Variants in PVT1 observed in about 807,000 individuals in gnomAD.
The protein encoded by PVT1 is CXCR4/PVT1 fusion.
chr8:127,814,998 G>T lies in PVT1; in HGVS notation n.372+18927G>T, dbSNP rs754905814. 9.9e-5 allele frequency among the ~76,000 whole-genome samples: 15 copies of T among 151,638 alleles called. No individual in the cohort carries two copies. The South Asian group carries it at 1.9e-3, about 19-fold the overall frequency. On this transcript the variant is annotated intron_variant and non_coding_transcript_variant, in intron 2 of 10. Coordinates refer to ENST00000651587, the Ensembl canonical transcript of PVT1. Reference sequence around the variant, plus strand: ...TTATTTTTTTTTGAGACAGAATCTTGTTCTGTTGCCCAGGCTGGAGTGCAG... The same window carrying T: ...TTATTTTTTTTTGAGACAGAATCTTTTTCTGTTGCCCAGGCTGGAGTGCAG...
At chr8:127,932,441 G>C in intron 3 of PVT1, 1 of 398,636 alleles carries the variant, frequency 2.5e-6, no homozygotes, top group South Asian at 1.3e-4. Flanking sequence ...TGTCACATGA[G>C]TTTTCTTTCT....
chr8:127,918,036 G>A (rs1816009894), intron 3 of PVT1, among the ~76,000 whole-genome samples: 1 of 152,246 alleles, frequency 6.6e-6, no homozygotes, highest in Admixed American at 6.5e-5. Flanking sequence ...GTAATTTTGG[G>A]TTTTCCTGAT....
intron 5 of PVT1, among the ~76,000 whole-genome samples, chr8:128,071,721 A>AATAAAT (rs139320168): frequency 2.7e-5 from 4 of 147,450 alleles, no homozygotes; most frequent in Non-Finnish European, 6.0e-5. Context: ...TAAATAAATA[A>AATAAAT]AAATAAAAGA....
intron 3 of PVT1, among the ~76,000 whole-genome samples, chr8:127,978,719 CA>C (rs565533024): frequency 5.3e-5 from 8 of 152,302 alleles, no homozygotes; most frequent in African/African-American, 1.9e-4. Flanking sequence ...CTCGTGAAAA[CA>C]GGTGATTTGC....
intron 2 of PVT1, among the ~76,000 whole-genome samples, chr8:127,862,628 A>G (rs771802146): frequency 5.3e-5 from 8 of 152,058 alleles, no homozygotes; most frequent in Non-Finnish European, 1.2e-4. Context: ...TCACTATGTT[A>G]CCAGGCTGGT....
intron 2 of PVT1, among the ~76,000 whole-genome samples, chr8:127,801,227 C>T (rs992065946): frequency 3.3e-5 from 5 of 152,014 alleles, no homozygotes; most frequent in South Asian, 2.1e-4. Flanking sequence ...GGAGCCCTTG[C>T]GGTGTTTTTT....
At chr8:127,818,919 A>G (rs967299140) in intron 2 of PVT1, among the ~76,000 whole-genome samples, 2 of 152,056 alleles carry the variant, frequency 1.3e-5, no homozygotes, top group East Asian at 1.9e-4. Flanking sequence ...CAGTGGCGTG[A>G]TCATAGCTCA....
intron 3 of PVT1, among the ~76,000 whole-genome samples, chr8:127,928,916 AC>A (rs1236943175): frequency 6.6e-6 from 1 of 152,206 alleles, no homozygotes. Context: ...GCGACTTCCA[AC>A]CTCAGGAAAG....
chr8:127,837,012 C>G (rs1280323773), intron 2 of PVT1, among the ~76,000 whole-genome samples: 1 of 152,168 alleles, frequency 6.6e-6, no homozygotes, highest in East Asian at 1.9e-4. Context: ...CTGTCCCACA[C>G]CTGAGGATAT....
At chr8:127,952,662 A>G (rs1448935574) in intron 3 of PVT1, among the ~76,000 whole-genome samples, 2 of 152,186 alleles carry the variant, frequency 1.3e-5, no homozygotes, top group African/African-American at 4.8e-5. Flanking sequence ...ACAAAATGTA[A>G]TATGTGCCCT....
chr8:127,868,800 T>C (rs1815319332), intron 2 of PVT1, among the ~76,000 whole-genome samples: 1 of 123,934 alleles, frequency 8.1e-6, no homozygotes, highest in East Asian at 2.3e-4. Context: ...TATACATATA[T>C]ATGTACATAT....
intron 5 of PVT1, among the ~76,000 whole-genome samples, chr8:128,079,187 C>A (rs1814140002): frequency 6.6e-6 from 1 of 152,040 alleles, no homozygotes; most frequent in African/African-American, 2.4e-5. Flanking sequence ...TCTTCCCCTT[C>A]TGTAAATAAA....
chr8:128,011,454 C>G (rs1366004813), intron 4 of PVT1, among the ~76,000 whole-genome samples: 2 of 152,138 alleles, frequency 1.3e-5, no homozygotes, highest in Non-Finnish European at 2.9e-5. Context: ...CTTACTGTCT[C>G]TCTTCTCTCT....
Position 128,002,479 on chromosome 8 carries a change from A to G in PVT1, n.912+13188A>G, listed in dbSNP as rs556542720. Among the ~76,000 whole-genome samples the G allele has an allele frequency of 9.8e-4, 149 of 152,330 alleles. 5 individuals carry two copies. The South Asian group carries it at 0.028, about 29-fold the overall frequency. ...AAACAACAGAAATGTATTCTCTCAT[A>G]GTTGTGGAAGCCAGAAGTCTGAAAT... On this transcript the variant is annotated intron_variant and non_coding_transcript_variant, in intron 4 of 10. Coordinates refer to ENST00000651587, the Ensembl canonical transcript of PVT1.
chr8:127,947,841 C>T (rs1816443699), intron 3 of PVT1: 1 of 456,402 alleles, frequency 2.2e-6, no homozygotes, highest in Admixed American at 2.4e-5. Context: ...ATTTATTAAG[C>T]ACTTACTTTG....
chr8:128,009,963 G>A (rs1327432188), intron 4 of PVT1, among the ~76,000 whole-genome samples: 1 of 152,196 alleles, frequency 6.6e-6, no homozygotes, highest in Admixed American at 6.5e-5. Flanking sequence ...TAAGATAAAA[G>A]TGTTTCTGAG....
At chr8:128,008,681 A>G (rs1408436224) in intron 4 of PVT1, among the ~76,000 whole-genome samples, 3 of 152,150 alleles carry the variant, frequency 2.0e-5, no homozygotes, top group African/African-American at 7.2e-5. Flanking sequence ...AATGATTATA[A>G]TGGTGGTGAT....
intron 3 of PVT1, among the ~76,000 whole-genome samples, chr8:127,968,954 C>G (rs149402252): frequency 6.6e-6 from 1 of 152,268 alleles, no homozygotes; most frequent in African/African-American, 2.4e-5. Flanking sequence ...GCTTCACAGA[C>G]AGCACGGCCC....
At chr8:127,899,549 C>A (rs886415237) in intron 3 of PVT1, among the ~76,000 whole-genome samples, 4 of 152,176 alleles carry the variant, frequency 2.6e-5, no homozygotes, top group Non-Finnish European at 5.9e-5. Flanking sequence ...GATGAGTCAC[C>A]TCTGGGAAAC....
Sources: allele counts gnomAD v4.1 joint callset (sites outside exome capture counted in the v4.1 genomes callset), GRCh38; gene constraint gnomAD v4.1.1; transcripts MANE v1.5; gene names NCBI Gene and HGNC (gene_info 2026-07-23, HGNC 2026-07-21).